NEDD4: variants seen among roughly 807,000 people sequenced by gnomAD.
The protein encoded by NEDD4 is E3 ubiquitin-protein ligase NEDD4.
In NEDD4, 99 loss-of-function variants were observed where a neutral mutation model predicts 144.9. The ratio of observed to expected loss-of-function variants is 0.68; its 90% CI spans 0.58 to 0.81. The LOEUF (loss-of-function observed/expected upper bound fraction) is 0.81. NEDD4 is among the 30% of genes least tolerant of loss of function. The probability of loss-of-function intolerance (pLI) is 0.00; values close to 1 mark genes in which losing one functional copy is unlikely to be tolerated. For synonymous variants in NEDD4, 318 were observed against 350.6 expected (o/e 0.91, Z 1.04); for missense variants, 985 against 1,065.9 (o/e 0.92, Z 1.06).
intron 5 of NEDD4, among the ~76,000 whole-genome samples, chr15:55,876,381 C>G (rs1470941482): frequency 6.7e-6 from 1 of 149,476 alleles, no homozygotes; most frequent in African/African-American, 2.5e-5. Context: ...CCTTCTCAAT[C>G]TTTTAAAGAA....
intron 4 of NEDD4, among the ~76,000 whole-genome samples, chr15:55,946,557 G>C (rs1489182694): frequency 6.6e-6 from 1 of 152,168 alleles, no homozygotes; most frequent in South Asian, 2.1e-4. Flanking sequence ...CAATAATAAC[G>C]GGAGACTTTA....
intron 5 of NEDD4, among the ~76,000 whole-genome samples, chr15:55,913,534 C>CG (rs1275550518): frequency 3.3e-5 from 5 of 151,790 alleles, no homozygotes; most frequent in Non-Finnish European, 7.4e-5. Context: ...AAACATTAAA[C>CG]GGGGGGACAA....
intron 16 of NEDD4, 23 bp downstream of exon 16, chr15:55,848,498 A>C (rs2033843825): frequency 6.2e-7 from 1 of 1,613,256 alleles, no homozygotes; most frequent in African/African-American, 1.3e-5. Context: ...AAATAACATA[A>C]TGAAAAATCG....
At chr15:55,919,560 A>G (rs1419984353) in intron 5 of NEDD4, among the ~76,000 whole-genome samples, 3 of 152,176 alleles carry the variant, frequency 2.0e-5, no homozygotes, top group African/African-American at 7.2e-5. Flanking sequence ...AAATCGGGGA[A>G]CTTGCTATAA....
chr15:55,914,325 A>G (rs933009328), intron 5 of NEDD4, among the ~76,000 whole-genome samples: 8 of 151,854 alleles, frequency 5.3e-5, no homozygotes, highest in Non-Finnish European at 7.4e-5. Flanking sequence ...AAATTTTTTA[A>G]ATTTCCTGGA....
intron 25 of NEDD4, 24 bp from the exon 26 acceptor site, chr15:55,834,169 A>T (rs971579167): frequency 6.2e-7 from 1 of 1,609,490 alleles, no homozygotes; most frequent in African/African-American, 1.3e-5. Context: ...GTCAAATTAT[A>T]AACAAGGAAA....
chr15:55,880,913 T>A (rs2035167517), intron 5 of NEDD4, among the ~76,000 whole-genome samples: 1 of 152,202 alleles, frequency 6.6e-6, no homozygotes, highest in Non-Finnish European at 1.5e-5. Flanking sequence ...TTTAAAATAC[T>A]GGCGTATATA....
At chr15:55,974,880 TC>T (rs2037672303) in intron 1 of NEDD4, among the ~76,000 whole-genome samples, 5 of 134,168 alleles carry the variant, frequency 3.7e-5, no homozygotes, top group Non-Finnish European at 7.8e-5. Context: ...GATGTCCATT[TC>T]TTTTCCTTTC....
At position 55,869,978 on chromosome 15, in the gene NEDD4, G is replaced by T. The variant is rs557100255; in HGVS notation, c.405-297C>A. ...AAAGAGAAGCTGGCCTTTGAGTTGG[G>T]GTTAGAAGACTGGGGAGGATTCTTA... On this transcript the variant is annotated intron_variant, in intron 7 of 28. Coordinates refer to ENST00000435532, the MANE Select transcript of NEDD4 (RefSeq NM_006154.4). 1.1e-4 allele frequency among the ~76,000 whole-genome samples: 16 copies of T among 152,260 alleles called. No individual in the cohort carries two copies. In the South Asian group the frequency reaches 3.1e-3, roughly 30 times the overall value.
intron 4 of NEDD4, among the ~76,000 whole-genome samples, chr15:55,940,919 T>C (rs1463163434): frequency 2.0e-5 from 3 of 152,198 alleles, no homozygotes; most frequent in Non-Finnish European, 4.4e-5. Context: ...AAATAAATTA[T>C]AACATTAATT....
chr15:55,852,748 G>C (rs1173440354), intron 12 of NEDD4, among the ~76,000 whole-genome samples: 24 of 149,772 alleles, frequency 1.6e-4, no homozygotes, highest in Non-Finnish European at 3.0e-5. Context: ...GAGAGTGAGA[G>C]AGAGAGAGAG....
intron 2 of NEDD4, among the ~76,000 whole-genome samples, chr15:55,960,888 G>A (rs886404903): frequency 1.1e-4 from 17 of 152,198 alleles, no homozygotes; most frequent in Admixed American, 7.2e-4. Context: ...GACTGTGCAT[G>A]TCCTAGATGG....
At chr15:55,839,605 C>T (rs1169570816) in intron 21 of NEDD4, among the ~76,000 whole-genome samples, 2 of 152,170 alleles carry the variant, frequency 1.3e-5, no homozygotes, top group East Asian at 1.9e-4. Context: ...GGCTACAGTC[C>T]GGGGTTTAAT....
chr15:55,939,815 A>C (rs955949397), intron 4 of NEDD4, among the ~76,000 whole-genome samples: 10 of 152,204 alleles, frequency 6.6e-5, no homozygotes, highest in Admixed American at 3.3e-4. Flanking sequence ...AAGGTTCCCC[A>C]AAAAATTAAA....
chr15:55,862,674 A>G (rs1221091239), intron 9 of NEDD4, among the ~76,000 whole-genome samples: 1 of 152,208 alleles, frequency 6.6e-6, no homozygotes, highest in Admixed American at 6.5e-5. Context: ...ACCTATTAAA[A>G]TTAAGACGCA....
chr15:55,890,156 T>TATAC (rs2035520345), intron 5 of NEDD4, among the ~76,000 whole-genome samples: 2 of 152,176 alleles, frequency 1.3e-5, no homozygotes, highest in Admixed American at 1.3e-4. Context: ...CATAAATATA[T>TATAC]ATACCTACTA....
intron 13 of NEDD4, among the ~76,000 whole-genome samples, chr15:55,851,525 G>A (rs2033980258): frequency 1.3e-5 from 2 of 151,560 alleles, no homozygotes; most frequent in African/African-American, 2.4e-5. Flanking sequence ...TGCCCAGGCT[G>A]GAGTGCAATG....
At chr15:55,969,937 A>G (rs1462438457) in intron 1 of NEDD4, among the ~76,000 whole-genome samples, 1 of 152,070 alleles carries the variant, frequency 6.6e-6, no homozygotes, top group Non-Finnish European at 1.5e-5. Flanking sequence ...GTCACAGTAA[A>G]ATAAAGCACC....
intron 17 of NEDD4, among the ~76,000 whole-genome samples, chr15:55,847,836 C>A (rs1384587201): frequency 6.6e-6 from 1 of 151,620 alleles, no homozygotes. Flanking sequence ...GCCACCATGC[C>A]CAACTAATTT....
Sources: gnomAD v4.1 joint callset for allele counts (sites outside exome capture counted in the v4.1 genomes callset) on GRCh38, gnomAD v4.1.1 for gene constraint, MANE v1.5 for transcripts, NCBI Gene and HGNC (gene_info 2026-07-23, HGNC 2026-07-21) for gene names.